Variants in CDKAL1 observed in about 807,000 individuals in gnomAD.
CDKAL1 encodes threonylcarbamoyladenosine tRNA methylthiotransferase.
Under a neutral mutation model 68.2 loss-of-function variants are expected in CDKAL1, and 32 were observed. The observed-to-expected ratio is 0.47, with a 90% CI of 0.35 to 0.63. CDKAL1 has a LOEUF of 0.63. CDKAL1 is among the 30% of genes least tolerant of loss of function. CDKAL1 has a pLI of 0.00. For synonymous variants in CDKAL1, 234 were observed against 244.3 expected (o/e 0.96, Z 0.39); for missense variants, 606 against 696.7 (o/e 0.87, Z 1.47).
chr6:20,743,555 G>C (rs1236493095), intron 6 of CDKAL1, among the ~76,000 whole-genome samples: 3 of 152,130 alleles, frequency 2.0e-5, no homozygotes, highest in Non-Finnish European at 4.4e-5. Flanking sequence ...GTAGGAATGG[G>C]GCATTTAGTT....
chr6:20,897,449 G>A (rs1033847913), intron 9 of CDKAL1, among the ~76,000 whole-genome samples: 2 of 152,082 alleles, frequency 1.3e-5, no homozygotes, highest in Non-Finnish European at 2.9e-5. Context: ...GAGTGAGAAT[G>A]AGGCCACATG....
chr6:20,918,556 A>G (rs1267750347), intron 9 of CDKAL1, among the ~76,000 whole-genome samples: 8 of 152,346 alleles, frequency 5.3e-5, no homozygotes, highest in African/African-American at 1.9e-4. Context: ...ACATCACAAA[A>G]AGCATGAAGA....
intron 5 of CDKAL1, among the ~76,000 whole-genome samples, chr6:20,713,391 A>G: frequency 6.6e-6 from 1 of 152,216 alleles, no homozygotes; most frequent in Admixed American, 6.5e-5. Context: ...TTATTTAAAA[A>G]TGATACCACA....
At chr6:20,793,810 A>G (rs959443046) in intron 8 of CDKAL1, among the ~76,000 whole-genome samples, 2 of 147,438 alleles carry the variant, frequency 1.4e-5, no homozygotes, top group Middle Eastern at 3.6e-3. Flanking sequence ...TATTATATAT[A>G]TATATATCCT....
chr6:20,536,192 TC>T (rs1283691624), intron 2 of CDKAL1, among the ~76,000 whole-genome samples: 1 of 152,034 alleles, frequency 6.6e-6, no homozygotes, highest in Non-Finnish European at 1.5e-5. Context: ...CACCTTGGCT[TC>T]CCAGTGTTGG....
chr6:20,711,561 A>G (rs1194819020), intron 5 of CDKAL1, among the ~76,000 whole-genome samples: 1 of 152,204 alleles, frequency 6.6e-6, no homozygotes, highest in Admixed American at 6.5e-5. Context: ...ACATTAATAC[A>G]TTTTGATGAA....
Position 20,781,265 on chromosome 6 carries a change from G to T in CDKAL1, c.638G>T (p.Gly213Val). ...PLIEIISINT[G>V]CLNACTYCKT... ...ATAGAAATCATTTCCATCAATACCG[G>T]GTAAGCATCTCTCAAACTTGCTCAT... Residue 213 changes from glycine (G) to valine (V), a missense_variant and splice_region_variant, in exon 8 of 16, where the codon GGG becomes GTG. By Grantham distance (109) the Gly-to-Val change is moderately radical. Coordinates refer to ENST00000274695, the MANE Select transcript of CDKAL1 (RefSeq NM_017774.3). The T allele has an allele frequency of 1.9e-6, 3 of 1,605,944 alleles. No homozygotes were observed. The highest frequency in any genetic ancestry group is 2.5e-6 in the Non-Finnish European group (3 of 1,177,146).
At chr6:21,184,774 T>A (rs1162584529) in intron 13 of CDKAL1, among the ~76,000 whole-genome samples, 1 of 151,242 alleles carries the variant, frequency 6.6e-6, no homozygotes, top group Non-Finnish European at 1.5e-5. Context: ...CCTCAGCCTC[T>A]GGAGTAGCTA....
intron 9 of CDKAL1, among the ~76,000 whole-genome samples, chr6:20,862,670 T>TGCACGCGCGC: frequency 6.9e-6 from 1 of 144,014 alleles, no homozygotes; most frequent in Admixed American, 6.9e-5. Context: ...TGTGCGCGCG[T>TGCACGCGCGC]GCATGCGCGC....
chr6:20,752,000 G>C (rs542260140), intron 6 of CDKAL1, among the ~76,000 whole-genome samples: 1 of 151,724 alleles, frequency 6.6e-6, no homozygotes, highest in South Asian at 2.1e-4. Flanking sequence ...TCTTGCTCTC[G>C]ATTGTTTTTT....
chr6:20,747,572 CATT>C (rs1773716181), intron 6 of CDKAL1, among the ~76,000 whole-genome samples: 2 of 152,174 alleles, frequency 1.3e-5, no homozygotes, highest in Admixed American at 1.3e-4. Context: ...TTTCCCTAAT[CATT>C]ATGATGTTGA....
chr6:20,785,260 A>G (rs914913266), intron 8 of CDKAL1, among the ~76,000 whole-genome samples: 2 of 151,362 alleles, frequency 1.3e-5, no homozygotes, highest in Non-Finnish European at 2.9e-5. Flanking sequence ...AAGCATTCCC[A>G]TACGTATTTG....
intron 4 of CDKAL1, among the ~76,000 whole-genome samples, chr6:20,616,094 T>C (rs1396737413): frequency 2.7e-5 from 4 of 148,612 alleles, no homozygotes; most frequent in African/African-American, 4.9e-5. Context: ...TAGTTGTAGA[T>C]ATGCGGCGTT....
chr6:21,197,296 G>A (rs1289205027), intron 13 of CDKAL1, among the ~76,000 whole-genome samples: 6 of 152,064 alleles, frequency 3.9e-5, no homozygotes, highest in African/African-American at 1.4e-4. Context: ...TTACTTCTTT[G>A]CTATTAAAAA....
intron 15 of CDKAL1, among the ~76,000 whole-genome samples, chr6:21,212,329 A>G (rs554195806): frequency 1.2e-4 from 18 of 152,162 alleles, no homozygotes; most frequent in Non-Finnish European, 2.2e-4. Flanking sequence ...ATATTCTTCA[A>G]TGGTTAAAAA....
chr6:20,904,754 A>G (rs1277216235), intron 9 of CDKAL1, among the ~76,000 whole-genome samples: 1 of 151,670 alleles, frequency 6.6e-6, no homozygotes, highest in African/African-American at 2.4e-5. Context: ...GCGGCATTGC[A>G]CTCCAGCCTG....
At chr6:20,551,176 G>A (rs1384714411) in intron 4 of CDKAL1, among the ~76,000 whole-genome samples, 3 of 151,756 alleles carry the variant, frequency 2.0e-5, no homozygotes, top group South Asian at 4.2e-4. Flanking sequence ...GAGAGGTTGC[G>A]TCTTATCTTA....
At chr6:21,080,248 A>G (rs1032040041) in intron 12 of CDKAL1, among the ~76,000 whole-genome samples, 3 of 152,024 alleles carry the variant, frequency 2.0e-5, no homozygotes, top group East Asian at 3.9e-4. Flanking sequence ...TGCCAATGAT[A>G]CCCTTGGGTT....
intron 4 of CDKAL1, among the ~76,000 whole-genome samples, chr6:20,583,832 C>T (rs1194135390): frequency 6.7e-6 from 1 of 148,644 alleles, no homozygotes; most frequent in Non-Finnish European, 1.5e-5. Context: ...TCACTCCTCT[C>T]AACAATTTTT....
Sources: allele counts gnomAD v4.1 joint callset (sites outside exome capture counted in the v4.1 genomes callset), GRCh38; gene constraint gnomAD v4.1.1; transcripts MANE v1.5; gene names NCBI Gene and HGNC (gene_info 2026-07-23, HGNC 2026-07-21).